KIAA0825: variants seen among roughly 807,000 people sequenced by gnomAD.
The protein encoded by KIAA0825 is uncharacterized protein KIAA0825.
A neutral mutation model predicts 147.6 loss-of-function variants in KIAA0825; 119 were observed. The observed-to-expected ratio is 0.81, with a 90% CI of 0.69 to 0.94. The LOEUF (loss-of-function observed/expected upper bound fraction) is 0.94. KIAA0825 is among the 40% of genes least tolerant of loss of function. The pLI is 0.00. For missense variants in KIAA0825, 1,381 were observed against 1,472.7 expected, an observed-to-expected ratio of 0.94 and a Z score of 1.02; for synonymous variants, 470 against 518.1, an observed-to-expected ratio of 0.91 and a Z score of 1.26.
chr5:94,498,867 G>C (rs762668638), intron 5 of KIAA0825, among the ~76,000 whole-genome samples: 9 of 152,230 alleles, frequency 5.9e-5, no homozygotes, highest in Admixed American at 2.6e-4. Context: ...TCTTCATGAA[G>C]TTTTTCTAGC....
chr5:94,482,888 C>A (rs545738032), intron 6 of KIAA0825, among the ~76,000 whole-genome samples: 3 of 152,070 alleles, frequency 2.0e-5, no homozygotes, highest in Admixed American at 2.0e-4. Context: ...CAAATGTGTT[C>A]ATATAGTTCA....
rs1180773113 is a variant in KIAA0825, at chr5:94,470,021, A to G, written c.1812T>C (p.Ala604=). The change falls in exon 10 of 21, where the codon GCT becomes GCC. Residue 604 remains alanine (A), a synonymous_variant. Coordinates refer to ENST00000682413, the MANE Select transcript of KIAA0825 (RefSeq NM_001145678.3). ...QVTNYCVRVC[A]TSILQDAESH... ...TCTCAGCATCCTGTAAAATGCTTGT[A>G]GCACAAACTCTGACGCAGTAGTTCG... is the stretch of plus-strand genomic sequence containing the variant. The G allele has an allele frequency of 3.2e-6, 5 of 1,551,846 alleles. No homozygotes were observed. The highest frequency in any genetic ancestry group is 4.4e-6 in the Non-Finnish European group (5 of 1,146,998).
intron 2 of KIAA0825, among the ~76,000 whole-genome samples, chr5:94,556,258 C>T (rs941679973): frequency 6.6e-6 from 1 of 151,860 alleles, no homozygotes; most frequent in Non-Finnish European, 1.5e-5. Context: ...TTTTTGTATG[C>T]TTCATAGAGA....
intron 20 of KIAA0825, among the ~76,000 whole-genome samples, chr5:94,360,754 T>A (rs2150402265): frequency 6.6e-6 from 1 of 152,332 alleles, no homozygotes; most frequent in African/African-American, 2.4e-5. Context: ...TGGTTTAGGA[T>A]ATAATCTAGA....
intron 2 of KIAA0825, among the ~76,000 whole-genome samples, chr5:94,539,365 C>G (rs561441018): frequency 6.6e-6 from 1 of 152,290 alleles, no homozygotes; most frequent in South Asian, 2.1e-4. Flanking sequence ...TTTCACTTTA[C>G]TCTATGGACA....
At chr5:94,515,710 T>C (rs1399462247) in intron 5 of KIAA0825, among the ~76,000 whole-genome samples, 1 of 150,042 alleles carries the variant, frequency 6.7e-6, no homozygotes, top group Non-Finnish European at 1.5e-5. Flanking sequence ...GAGAATCGCT[T>C]GAACCCAGGA....
At chr5:94,618,161 C>G (rs1365911219) in intron 1 of KIAA0825, 1 of 152,240 alleles carries the variant, frequency 6.6e-6, no homozygotes, top group Non-Finnish European at 1.5e-5. Flanking sequence ...AGTGGCCAAA[C>G]GCTGCCAATG....
Position 94,304,621 on chromosome 5 carries a change from C to A in KIAA0825, c.3710+79747G>T, listed in dbSNP as rs149070338. On this transcript the variant is annotated intron_variant, in intron 20 of 20. Coordinates refer to ENST00000682413, the MANE Select transcript of KIAA0825 (RefSeq NM_001145678.3). ...CCTCTCTTTGCTTTCTGGTTGGTCA[C>A]AACAGAGGCCAAAGTGAGCCATTAA... Among the ~76,000 whole-genome samples, 422 of 151,852 alleles carry A rather than the reference C, an allele frequency of 2.8e-3. 2 individuals are homozygous for A. The highest frequency in any genetic ancestry group is 9.8e-3 in the African/African-American group (407 of 41,432).
chr5:94,231,681 T>C (rs1055742121), intron 20 of KIAA0825, among the ~76,000 whole-genome samples: 2 of 152,180 alleles, frequency 1.3e-5, no homozygotes, highest in African/African-American at 4.8e-5. Context: ...ATTAAGATTC[T>C]AATCATTACG....
intron 7 of KIAA0825, among the ~76,000 whole-genome samples, chr5:94,476,717 GT>G (rs1761936909): frequency 6.6e-6 from 1 of 152,130 alleles, no homozygotes; most frequent in Admixed American, 6.6e-5. Context: ...GTGGTAACAG[GT>G]TTTGGGACCA....
chr5:94,204,687 A>G (rs1462738420), intron 20 of KIAA0825, among the ~76,000 whole-genome samples: 1 of 152,158 alleles, frequency 6.6e-6, no homozygotes, highest in Non-Finnish European at 1.5e-5. Context: ...GAATATACAA[A>G]AGACAGCATC....
At chr5:94,294,936 T>G (rs183743388) in intron 20 of KIAA0825, among the ~76,000 whole-genome samples, 1 of 152,256 alleles carries the variant, frequency 6.6e-6, no homozygotes, top group African/African-American at 2.4e-5. Context: ...TTTGTGGTGT[T>G]CTCGTATTTC....
chr5:94,609,329 T>G (rs1037991288), intron 1 of KIAA0825, among the ~76,000 whole-genome samples: 1 of 152,334 alleles, frequency 6.6e-6, no homozygotes, highest in Non-Finnish European at 1.5e-5. Context: ...AATACCACTC[T>G]TCCACTAAAA....
At chr5:94,445,840 T>A (rs1198868765) in intron 13 of KIAA0825, among the ~76,000 whole-genome samples, 2 of 152,198 alleles carry the variant, frequency 1.3e-5, no homozygotes, top group Non-Finnish European at 1.5e-5. Context: ...ATACTGCTTG[T>A]CCATCCACAC....
chr5:94,355,467 G>A (rs535140513), intron 20 of KIAA0825, among the ~76,000 whole-genome samples: 33 of 152,048 alleles, frequency 2.2e-4, no homozygotes, highest in Non-Finnish European at 4.6e-4. Flanking sequence ...GATATATAGA[G>A]TTAAATAAAA....
chr5:94,513,987 C>T (rs897004163), intron 5 of KIAA0825, among the ~76,000 whole-genome samples: 12 of 152,228 alleles, frequency 7.9e-5, no homozygotes, highest in Middle Eastern at 6.8e-3. Context: ...AGCCAAAATG[C>T]TTTCATTTTT....
rs140535742 is a variant in KIAA0825 at position 94,554,261 on chromosome 5, G to A, written c.-1-17134C>T. Among the ~76,000 whole-genome samples the A allele has an allele frequency of 5.5e-3, 842 of 152,220 alleles. 7 individuals carry two copies. The highest frequency in any genetic ancestry group is 0.019 in the African/African-American group (782 of 41,512). On this transcript the variant is annotated intron_variant, in intron 2 of 20. Coordinates refer to ENST00000682413, the MANE Select transcript of KIAA0825 (RefSeq NM_001145678.3). ...ACCAACTCAGACATCTTTATGGCAT[G>A]CCATCACACGGAAAAGGGGTAACAT...
chr5:94,467,349 A>C (rs923222008), intron 10 of KIAA0825, among the ~76,000 whole-genome samples: 1 of 152,228 alleles, frequency 6.6e-6, no homozygotes, highest in Non-Finnish European at 1.5e-5. Context: ...TTGCAAACCC[A>C]CTATGATGTA....
At chr5:94,569,619 T>A (rs935924833) in intron 2 of KIAA0825, 17 of 373,368 alleles carry the variant, frequency 4.6e-5, no homozygotes, top group African/African-American at 3.2e-4. Flanking sequence ...CCATCTAACA[T>A]CTCCACATGA....
Sources: allele counts gnomAD v4.1 joint callset (sites outside exome capture counted in the v4.1 genomes callset), GRCh38; gene constraint gnomAD v4.1.1; transcripts MANE v1.5; gene names NCBI Gene and HGNC (gene_info 2026-07-23, HGNC 2026-07-21).